The following CEP43 variants were observed in gnomAD, a reference collection of about 807,000 sequenced individuals.
The protein encoded by CEP43 is centrosomal protein 43, also known as FGFR1 oncogene partner.
Under a neutral mutation model 52.6 loss-of-function variants are expected in CEP43, and 36 were observed. The ratio of observed to expected loss-of-function variants is 0.68; its 90% CI spans 0.52 to 0.90. The LOEUF (loss-of-function observed/expected upper bound fraction) is 0.90. CEP43 is among the 40% of genes least tolerant of loss of function. The probability of loss-of-function intolerance (pLI) is 0.00; values close to 1 mark genes in which losing one functional copy is unlikely to be tolerated. For missense variants in CEP43, 506 were observed against 472.8 expected, an observed-to-expected ratio of 1.07 and a Z score of -0.65; for synonymous variants, 192 against 172.4, an observed-to-expected ratio of 1.11 and a Z score of -0.89.
In CEP43 at chr6:167,040,367, T is replaced by G; in HGVS notation, c.*389T>G. The G allele has an allele frequency of 1.4e-6, 2 of 1,380,280 alleles. No individual in the cohort carries two copies. The highest frequency in any genetic ancestry group is 1.9e-6 in the Non-Finnish European group (2 of 1,070,052). The allele number at this position is 1,380,280 out of a possible 1,614,324, so 85.5% of individuals were successfully genotyped here. On this transcript the variant is annotated 3_prime_UTR_variant, in exon 13 of 13. Coordinates refer to ENST00000366847, the MANE Select transcript of CEP43 (RefSeq NM_007045.4). The stretch of plus-strand genomic sequence containing the variant: ...ACGTGTGATCTTTGAAAACCTTGGC[T>G]TTAGCCCTCTGGAATCAGAGCTTAC...
chr6:167,028,110 C>A, intron 10 of CEP43: 1 of 985,658 alleles, frequency 1.0e-6, no homozygotes, highest in Non-Finnish European at 1.2e-6. Flanking sequence ...GACTTTACTC[C>A]TGACCTCTGC....
chr6:167,039,779 T>A lies in CEP43; in HGVS notation c.1126-125T>A, dbSNP rs1353099018. On this transcript the variant is annotated intron_variant, in intron 12 of 12. Transcript: ENST00000366847. The stretch of plus-strand genomic sequence containing the variant: ...CACTGACATTTATATTATTTTTTGA[T>A]TTTTTGATTATGGCCATTCTTGCAG... The A allele has an allele frequency of 3.1e-6, 3 of 957,370 alleles. No homozygotes were observed. In the African/African-American group the frequency reaches 4.9e-5, roughly 16 times the overall value. The allele number at this position is 957,370 out of a possible 1,614,324, so 59.3% of individuals were successfully genotyped here. A position where few individuals can be genotyped will look rare whatever the true frequency, so the allele number is the denominator to read the frequency against.
chr6:167,002,594 G>A (rs750043665), intron 2 of CEP43, among the ~76,000 whole-genome samples: 3 of 152,204 alleles, frequency 2.0e-5, no homozygotes, highest in Admixed American at 6.5e-5. Flanking sequence ...CATCAGCAGT[G>A]TATGAGGCTG....
At chr6:167,027,778 C>A in intron 10 of CEP43, 1 of 633,070 alleles carries the variant, frequency 1.6e-6, no homozygotes, top group Non-Finnish European at 2.0e-6. Flanking sequence ...AATATCTCTT[C>A]ATATGTAAAT....
chr6:167,018,379 T>C (rs1281076345), intron 7 of CEP43, among the ~76,000 whole-genome samples: 1 of 152,082 alleles, frequency 6.6e-6, no homozygotes, highest in Admixed American at 6.6e-5. Flanking sequence ...GGCATTGCCA[T>C]GGTATGTGTG....
intron 2 of CEP43, among the ~76,000 whole-genome samples, chr6:167,000,490 T>A (rs1393772235): frequency 6.6e-6 from 1 of 152,240 alleles, no homozygotes; most frequent in East Asian, 1.9e-4. Flanking sequence ...CCCAAAATTA[T>A]CTGACCACTC....
intron 2 of CEP43, 22 bp from the exon 3 acceptor site, chr6:167,003,171 T>C: frequency 1.6e-6 from 2 of 1,219,060 alleles, no homozygotes; most frequent in East Asian, 2.5e-5. Flanking sequence ...ACATGACACT[T>C]AAATTTTTTT....
intron 9 of CEP43, 114 bp downstream of exon 9, chr6:167,025,008 T>A: frequency 1.5e-6 from 1 of 649,168 alleles, no homozygotes; most frequent in Non-Finnish European, 2.7e-6. Context: ...AACCTATCAT[T>A]TTATCACTCA....
intron 5 of CEP43, among the ~76,000 whole-genome samples, chr6:167,007,731 A>G (rs1419795882): frequency 6.6e-6 from 1 of 152,222 alleles, no homozygotes; most frequent in African/African-American, 2.4e-5. Context: ...GCTTTTTACC[A>G]AAACTGCATT....
intron 5 of CEP43, among the ~76,000 whole-genome samples, chr6:167,007,654 T>C (rs1779886045): frequency 6.6e-6 from 1 of 152,248 alleles, no homozygotes; most frequent in Non-Finnish European, 1.5e-5. Flanking sequence ...TTAGAGCTTT[T>C]ATTAGCTTTT....
In CEP43 at chr6:167,003,743, G is replaced by C; in HGVS notation, c.232G>C (p.Val78Leu). 6.2e-7 allele frequency: 1 copy of C among 1,610,390 alleles called. No homozygotes were observed. The highest frequency in any genetic ancestry group is 8.5e-7 in the Non-Finnish European group (1 of 1,177,690). The change falls in exon 4 of 13, where the codon GTT becomes CTT. Residue 78 changes from valine (V) to leucine (L), a missense_variant. Coordinates refer to ENST00000366847, the MANE Select transcript of CEP43 (RefSeq NM_007045.4). ...TKDGRLVASL[V>L]AEFLQFFNLD... ...TATAGGTCGTTTAGTGGCTAGTCTTGTTGCAGAATTTCTTCAGTTTTTTAA... is the reference window on the plus strand; with the variant it reads ...TATAGGTCGTTTAGTGGCTAGTCTTCTTGCAGAATTTCTTCAGTTTTTTAA...
chr6:167,016,787 C>T (rs1205543212), intron 7 of CEP43, among the ~76,000 whole-genome samples: 1 of 151,978 alleles, frequency 6.6e-6, no homozygotes, highest in East Asian at 1.9e-4. Context: ...CTAAATAATT[C>T]ATTAGTAAGT....
chr6:167,040,040 T>TG lies in CEP43; in HGVS notation c.*62_*63insG. ...AGGACTGACCGGTTCCATTTTTTTTTTTTCCAGACAATCACTCAGCTGGAA... is the reference window on the plus strand; with the variant it reads ...AGGACTGACCGGTTCCATTTTTTTTTGTTTCCAGACAATCACTCAGCTGGAA... On this transcript the variant is annotated 3_prime_UTR_variant, in exon 13 of 13. Coordinates refer to ENST00000366847, the MANE Select transcript of CEP43 (RefSeq NM_007045.4). 1 of 1,612,864 alleles carries TG rather than the reference T, an allele frequency of 6.2e-7. No homozygotes were observed. Among genetic ancestry groups the TG allele is most frequent in the Non-Finnish European group, 8.5e-7 (1 of 1,179,672 alleles).
At chr6:167,004,166 G>A (rs1779799734) in intron 4 of CEP43, 98 bp from the exon 5 acceptor site, 1 of 1,287,534 alleles carries the variant, frequency 7.8e-7, no homozygotes. Flanking sequence ...GTCTCTTTGA[G>A]TTTAAAGATG....
In CEP43 at chr6:167,000,086, A is replaced by C; in HGVS notation, c.129A>C (p.Leu43Phe). The change falls in exon 2 of 13, where the codon TTA becomes TTC. Residue 43 changes from leucine (L) to phenylalanine (F), a missense_variant. Leu to Phe is a conservative substitution (Grantham distance 22). Coordinates refer to ENST00000366847, the MANE Select transcript of CEP43 (RefSeq NM_007045.4). ...IKAELRAAVF[L>F]ALEEQEKVEN... ...CTGAACTCCGAGCAGCTGTGTTTTT[A>C]GCACTAGAGGAGCAAGAAAAAGTAG... is the stretch of plus-strand genomic sequence containing the variant. The C allele has an allele frequency of 6.2e-7, 1 of 1,613,156 alleles. No individual in the cohort carries two copies. The highest frequency in any genetic ancestry group is 8.5e-7 in the Non-Finnish European group (1 of 1,179,406).
chr6:167,003,123 G>T, intron 2 of CEP43, 70 bp from the exon 3 acceptor site: 1 of 706,064 alleles, frequency 1.4e-6, no homozygotes, highest in East Asian at 2.9e-5. Flanking sequence ...CAATGAAAAC[G>T]TTAAACTTTA....
intron 10 of CEP43, chr6:167,028,133 G>A (rs774239704): frequency 6.1e-5 from 60 of 985,582 alleles, no homozygotes; most frequent in Non-Finnish European, 6.9e-5. Context: ...CGTGATGGCC[G>A]CCTTGTCCCC....
Position 167,022,432 on chromosome 6 carries a change from GAGTGAT to G in CEP43, c.605_610del (p.Ser202_Asp203del). 6.2e-7 allele frequency: 1 copy of G among 1,614,014 alleles called. No individual in the cohort carries two copies. Among genetic ancestry groups the G allele is most frequent in the Non-Finnish European group, 8.5e-7 (1 of 1,179,934 alleles). The stretch of plus-strand genomic sequence containing the variant: ...AGAAGGCCAATGATGAGGCCAATCA[GAGTGAT>G]ACAAGTGTCTCCTTGTCAGAACCCA... On this transcript the variant is annotated inframe_deletion, in exon 8 of 13. Coordinates refer to ENST00000366847, the MANE Select transcript of CEP43 (RefSeq NM_007045.4).
intron 1 of CEP43, chr6:166,999,792 C>T: frequency 1.9e-6 from 1 of 527,376 alleles, no homozygotes; most frequent in Non-Finnish European, 3.3e-6. Flanking sequence ...GGGGGCCACA[C>T]GGGCGGCCCG....
Sources: allele counts gnomAD v4.1 joint callset (sites outside exome capture counted in the v4.1 genomes callset), GRCh38; gene constraint gnomAD v4.1.1; transcripts MANE v1.5; gene names NCBI Gene and HGNC (gene_info 2026-07-23, HGNC 2026-07-21).